CAMTA1: variants seen among roughly 807,000 people sequenced by gnomAD.
CAMTA1 encodes the protein calmodulin-binding transcription activator 1.
In CAMTA1, 27 loss-of-function variants were observed where a neutral mutation model predicts 170.9. The observed-to-expected ratio is 0.16, with a 90% CI of 0.12 to 0.22. The LOEUF is 0.22. CAMTA1 is among the 10% of genes least tolerant of loss of function. The pLI is 1.00. For missense variants in CAMTA1, 1,619 were observed against 2,217.2 expected (o/e 0.73, Z 5.42); for synonymous variants, 833 against 891.5 (o/e 0.93, Z 1.17).
chr1:7,128,746 C>T (rs1246076888), intron 4 of CAMTA1, among the ~76,000 whole-genome samples: 2 of 151,550 alleles, frequency 1.3e-5, no homozygotes, highest in Non-Finnish European at 2.9e-5. Flanking sequence ...TCTCTGCCTC[C>T]TGGGTTCAAG....
At chr1:7,283,278 C>A (rs1418526335) in intron 5 of CAMTA1, among the ~76,000 whole-genome samples, 1 of 152,086 alleles carries the variant, frequency 6.6e-6, no homozygotes, top group African/African-American at 2.4e-5. Context: ...TGCATGGTTT[C>A]TCATGTCCTT....
intron 3 of CAMTA1, among the ~76,000 whole-genome samples, chr1:6,972,145 T>C (rs1692652542): frequency 6.6e-6 from 1 of 152,152 alleles, no homozygotes; most frequent in African/African-American, 2.4e-5. Flanking sequence ...GAAGGTTTGC[T>C]AAGGCAGGGG....
At chr1:6,902,531 A>G (rs542345575) in intron 3 of CAMTA1, among the ~76,000 whole-genome samples, 2 of 152,302 alleles carry the variant, frequency 1.3e-5, no homozygotes, top group African/African-American at 4.8e-5. Flanking sequence ...GTTGCTGTGG[A>G]CTGGGTTGCT....
intron 7 of CAMTA1, among the ~76,000 whole-genome samples, chr1:7,648,673 G>A (rs12403557): frequency 0.43 from 65,517 of 152,016 alleles, 15,807 homozygotes; most frequent in Middle Eastern, 0.58. Flanking sequence ...AGAGGGAGCC[G>A]AGCCGGCTGC....
At chr1:7,308,442 T>C (rs577181433) in intron 5 of CAMTA1, among the ~76,000 whole-genome samples, 2 of 152,238 alleles carry the variant, frequency 1.3e-5, no homozygotes, top group Admixed American at 1.3e-4. Context: ...GGATGCTATA[T>C]TATTGATTGA....
intron 3 of CAMTA1, among the ~76,000 whole-genome samples, chr1:6,884,459 C>T (rs546936258): frequency 9.2e-5 from 14 of 152,102 alleles, no homozygotes; most frequent in African/African-American, 2.2e-4. Flanking sequence ...TAAACAGGAG[C>T]GTCTCAGCAG....
chr1:7,389,015 C>T lies in CAMTA1; in HGVS notation c.439-78815C>T, dbSNP rs563661987. Among the ~76,000 whole-genome samples, 204 of 152,340 alleles carry T rather than the reference C, an allele frequency of 1.3e-3. 1 individual carries two copies. The highest frequency in any genetic ancestry group is 4.7e-3 in the African/African-American group (194 of 41,588). ...CCATCCCCGTGCCATTCAGAGCCTCCCAGCACTGAGTAGGCACTGCACGGC... is the reference window on the plus strand; with the variant it reads ...CCATCCCCGTGCCATTCAGAGCCTCTCAGCACTGAGTAGGCACTGCACGGC... On this transcript the variant is annotated intron_variant, in intron 5 of 22. Coordinates refer to ENST00000303635, the MANE Select transcript of CAMTA1 (RefSeq NM_015215.4).
chr1:6,872,233 TCACCAC>T (rs35457975), intron 3 of CAMTA1, among the ~76,000 whole-genome samples: 4 of 150,056 alleles, frequency 2.7e-5, no homozygotes, highest in South Asian at 2.1e-4. Flanking sequence ...ACCCTCACCA[TCACCAC>T]CACCACCACC....
In CAMTA1 at chr1:7,617,693, AC is replaced by A. The variant is rs547383108; in HGVS notation, c.511-22700del. 4.1e-4 allele frequency among the ~76,000 whole-genome samples: 22 copies of A among 53,156 alleles called. No individual in the cohort carries two copies. In the East Asian group the frequency reaches 0.014, roughly 33 times the overall value. 34.9% of individuals were successfully genotyped at this position (53,156 alleles called of 152,430 possible). A position where few individuals can be genotyped will look rare whatever the true frequency, so the allele number is the denominator to read the frequency against. The stretch of plus-strand genomic sequence containing the variant: ...TGAAGGACTTTGGTCATGCACACCC[AC>A]CCCCCCACCCCCATGCATACACATA... On this transcript the variant is annotated intron_variant, in intron 6 of 22. Transcript: ENST00000303635.
intron 3 of CAMTA1, among the ~76,000 whole-genome samples, chr1:7,025,894 A>C (rs959916038): frequency 1.3e-5 from 2 of 152,192 alleles, no homozygotes; most frequent in African/African-American, 4.8e-5. Context: ...AGGTGAGCAG[A>C]TTGCTTGAGC....
intron 2 of CAMTA1, among the ~76,000 whole-genome samples, chr1:6,823,139 T>C (rs1026500415): frequency 6.6e-6 from 1 of 152,132 alleles, no homozygotes; most frequent in Non-Finnish European, 1.5e-5. Context: ...TTCAGAATTG[T>C]ACATATCATG....
intron 3 of CAMTA1, among the ~76,000 whole-genome samples, chr1:7,071,002 T>G (rs1411995419): frequency 6.6e-6 from 1 of 152,172 alleles, no homozygotes; most frequent in Non-Finnish European, 1.5e-5. Flanking sequence ...GCTTGCTCTT[T>G]GCAGGGGCTT....
intron 4 of CAMTA1, among the ~76,000 whole-genome samples, chr1:7,187,204 T>C (rs991737271): frequency 6.6e-6 from 1 of 152,040 alleles, no homozygotes; most frequent in Non-Finnish European, 1.5e-5. Context: ...GAATATGGGC[T>C]CAGGAAGCAG....
intron 4 of CAMTA1, among the ~76,000 whole-genome samples, chr1:7,115,693 G>A (rs1328385980): frequency 6.6e-6 from 1 of 151,628 alleles, no homozygotes; most frequent in African/African-American, 2.4e-5. Flanking sequence ...CTGAAAGCCT[G>A]AGACCCAGGA....
chr1:7,188,688 A>G (rs1287711712), intron 4 of CAMTA1, among the ~76,000 whole-genome samples: 1 of 152,158 alleles, frequency 6.6e-6, no homozygotes, highest in Non-Finnish European at 1.5e-5. Context: ...TGTATTCCAT[A>G]TTTTGTGTAG....
At chr1:6,933,096 G>A (rs1684694938) in intron 3 of CAMTA1, among the ~76,000 whole-genome samples, 1 of 151,488 alleles carries the variant, frequency 6.6e-6, no homozygotes, top group Non-Finnish European at 1.5e-5. Flanking sequence ...AAAAGATGTG[G>A]GTCTTGCTAT....
At chr1:7,712,835 G>A (rs894390390) in intron 11 of CAMTA1, among the ~76,000 whole-genome samples, 2 of 29,464 alleles carry the variant, frequency 6.8e-5, no homozygotes, top group Non-Finnish European at 1.6e-4. Flanking sequence ...CGAAGGAGGA[G>A]CAAAGGCACG....
At chr1:7,734,611 G>A (rs1249741458) in intron 12 of CAMTA1, among the ~76,000 whole-genome samples, 1 of 152,122 alleles carries the variant, frequency 6.6e-6, no homozygotes, top group Non-Finnish European at 1.5e-5. Flanking sequence ...TCTTGTGTGT[G>A]TAGAATGGCT....
At chr1:6,876,617 C>T (rs1314267362) in intron 3 of CAMTA1, among the ~76,000 whole-genome samples, 1 of 152,170 alleles carries the variant, frequency 6.6e-6, no homozygotes, top group East Asian at 1.9e-4. Context: ...CCCGCCTCGG[C>T]CTCCTAGAGT....
Sources: gnomAD v4.1 joint callset for allele counts (sites outside exome capture counted in the v4.1 genomes callset) on GRCh38, gnomAD v4.1.1 for gene constraint, MANE v1.5 for transcripts, NCBI Gene and HGNC (gene_info 2026-07-23, HGNC 2026-07-21) for gene names.